AIG1: variants seen among roughly 807,000 people sequenced by gnomAD.
AIG1 encodes androgen induced 1, also known as androgen-induced gene 1 protein.
Under a neutral mutation model 31.4 loss-of-function variants are expected in AIG1, and 23 were observed. The ratio of observed to expected loss-of-function variants is 0.73; its 90% confidence interval spans 0.53 to 1.04. The LOEUF is 1.04. AIG1 is among the 50% of genes least tolerant of loss of function. The pLI is 0.00. For synonymous variants in AIG1, 100 were observed against 110.5 expected (o/e 0.90, Z 0.60); for missense variants, 274 against 295.0 (o/e 0.93, Z 0.52).
intron 1 of AIG1, among the ~76,000 whole-genome samples, chr6:143,063,857 C>T (rs1236709372): frequency 6.6e-6 from 1 of 152,214 alleles, no homozygotes; most frequent in Non-Finnish European, 1.5e-5. Context: ...GATTATGTGG[C>T]AGTGGCCATT....
rs1777114733 is a variant in AIG1 at position 143,331,893 on chromosome 6, A to T, written c.516-1389A>T. Among the ~76,000 whole-genome samples the T allele has an allele frequency of 7.4e-6, 1 of 135,568 alleles. No homozygotes were observed. Among genetic ancestry groups the T allele is most frequent in the Non-Finnish European group, 1.6e-5 (1 of 64,436 alleles). 88.9% of individuals were successfully genotyped at this position (135,568 alleles called of 152,430 possible). A position where few individuals can be genotyped will look rare whatever the true frequency, so the allele number is the denominator to read the frequency against. On this transcript the variant is annotated intron_variant, in intron 4 of 5. Coordinates refer to ENST00000357847, the MANE Select transcript of AIG1 (RefSeq NM_016108.4). This position sits in a 1 kb window ranked among gnomAD's most constrained non-coding sequence, Gnocchi z 4.1. ...TTATTATTATTATTATTATTTTGAG[A>T]CCAAGTCTCACTTTGTCACCCAGGC...
chr6:143,216,163 A>G (rs1177632666), intron 3 of AIG1, among the ~76,000 whole-genome samples: 1 of 152,198 alleles, frequency 6.6e-6, no homozygotes, highest in Non-Finnish European at 1.5e-5. Context: ...CTCTTGTTTC[A>G]TTTTAAAAAG....
intron 1 of AIG1, among the ~76,000 whole-genome samples, chr6:143,080,594 A>G (rs1778154079): frequency 1.3e-5 from 2 of 152,080 alleles, no homozygotes; most frequent in South Asian, 2.1e-4. Flanking sequence ...CAGGGGGTGC[A>G]GTGAGAGTGA....
In AIG1 at chr6:143,295,209, A is replaced by T. The variant is rs80215141; in HGVS notation, c.515+10984A>T. Among the ~76,000 whole-genome samples, 1,018 of 152,252 alleles carry T rather than the reference A, an allele frequency of 6.7e-3. 8 individuals are homozygous for T. The highest frequency in any genetic ancestry group is 0.01 in the Non-Finnish European group (704 of 68,014). On this transcript the variant is annotated intron_variant, in intron 4 of 5. Coordinates refer to ENST00000357847, the MANE Select transcript of AIG1 (RefSeq NM_016108.4). ...TTTCTGAGTTCTGTACCTCCAGTGT[A>T]CTTGTAGAATCTTTATGCTTTGCTC... is the stretch of plus-strand genomic sequence containing the variant.
chr6:143,302,042 T>C (rs1242988805), intron 4 of AIG1, among the ~76,000 whole-genome samples: 1 of 152,104 alleles, frequency 6.6e-6, no homozygotes, highest in Non-Finnish European at 1.5e-5. Context: ...CAAATAGAAC[T>C]CAATGGTGAC....
In AIG1 at chr6:143,080,663, C is replaced by T. The variant is rs146414819; in HGVS notation, c.141+19597C>T. 3.7e-3 allele frequency among the ~76,000 whole-genome samples: 568 copies of T among 152,002 alleles called. 1 individual carries two copies. The highest frequency in any genetic ancestry group is 4.4e-3 in the Non-Finnish European group (299 of 67,972). ...GACAAGGGAGGGCCAAGAGGATCTA[C>T]GATTCTAGTTACTTTCCTCACGGTT... is the stretch of plus-strand genomic sequence containing the variant. On this transcript the variant is annotated intron_variant, in intron 1 of 5. Transcript: ENST00000357847.
chr6:143,343,504 A>T (rs1396236490), downstream of AIG1: 1 of 242,250 alleles, frequency 4.1e-6, no homozygotes, highest in Non-Finnish European at 8.3e-6. Flanking sequence ...CTGGCCTCCC[A>T]CTGTTTTCAG....
Position 143,259,251 on chromosome 6 carries a change from T to C in AIG1, c.400-24859T>C, listed in dbSNP as rs189076524. ...AAATACTCAGCCTTGGGTATTATGT[T>C]ATAGCAACACAAAACAGACTAAGAC... On this transcript the variant is annotated intron_variant, in intron 3 of 5. Coordinates refer to ENST00000357847, the MANE Select transcript of AIG1 (RefSeq NM_016108.4). Among the ~76,000 whole-genome samples, 9 of 152,352 alleles carry C rather than the reference T, an allele frequency of 5.9e-5. 1 individual carries two copies. Among genetic ancestry groups the C allele is most frequent in the Middle Eastern group, 6.8e-3 (2 of 294 alleles).
At chr6:143,133,937 A>G (rs188126725) in intron 1 of AIG1, among the ~76,000 whole-genome samples, 4 of 152,206 alleles carry the variant, frequency 2.6e-5, no homozygotes, top group Admixed American at 1.3e-4. Flanking sequence ...ATAAACAAAA[A>G]TCCCACAGAA....
chr6:143,287,427 G>A (rs1797760747), intron 4 of AIG1, among the ~76,000 whole-genome samples: 1 of 152,154 alleles, frequency 6.6e-6, no homozygotes, highest in Non-Finnish European at 1.5e-5. Flanking sequence ...GTGAGCCACT[G>A]GACTCTTGCC....
At position 143,333,960 on chromosome 6, in the gene AIG1, C is replaced by G. The variant is rs41314185; in HGVS notation, c.679+515C>G. On this transcript the variant is annotated intron_variant, in intron 5 of 5. Transcript: ENST00000357847. This position sits in a 1 kb window ranked among gnomAD's most constrained non-coding sequence, Gnocchi z 4.6. ...TCCGGCCACCTTGACTCACCAGTGGCTGTCACGGAAAGTCTGAAAGTGGCA... is the reference window on the plus strand; with the variant it reads ...TCCGGCCACCTTGACTCACCAGTGGGTGTCACGGAAAGTCTGAAAGTGGCA... The G allele has an allele frequency of 8.4e-3, 8,919 of 1,062,178 alleles. 50 individuals are homozygous for G. Among genetic ancestry groups the G allele is most frequent in the Non-Finnish European group, 0.011 (8,120 of 719,654 alleles). The allele number at this position is 1,062,178 out of a possible 1,614,324, so 65.8% of individuals were successfully genotyped here. A position where few individuals can be genotyped will look rare whatever the true frequency, so the allele number is the denominator to read the frequency against.
chr6:143,315,288 A>G (rs1297464841), intron 4 of AIG1, among the ~76,000 whole-genome samples: 2 of 152,124 alleles, frequency 1.3e-5, no homozygotes, highest in South Asian at 2.1e-4. Context: ...CTAACCAAAA[A>G]TCCCAGTAAG....
At chr6:143,244,865 C>T (rs946643012) in intron 3 of AIG1, among the ~76,000 whole-genome samples, 5 of 152,170 alleles carry the variant, frequency 3.3e-5, no homozygotes, top group Non-Finnish European at 5.9e-5. Flanking sequence ...CCACTAAAGC[C>T]TTTCTCACAA....
chr6:143,120,836 A>G (rs1279105256), intron 1 of AIG1, among the ~76,000 whole-genome samples: 2 of 152,352 alleles, frequency 1.3e-5, no homozygotes, highest in East Asian at 3.9e-4. Flanking sequence ...TCTCTGCAGC[A>G]CTGTGACATG....
intron 4 of AIG1, among the ~76,000 whole-genome samples, chr6:143,300,177 T>G (rs549959686): frequency 6.6e-6 from 1 of 152,334 alleles, no homozygotes; most frequent in East Asian, 1.9e-4. Context: ...GAACTAGGAC[T>G]GGGGACCAAT....
chr6:143,152,013 C>T (rs1178539122), intron 2 of AIG1, among the ~76,000 whole-genome samples: 1 of 152,192 alleles, frequency 6.6e-6, no homozygotes, highest in East Asian at 1.9e-4. Flanking sequence ...CACCTACTCA[C>T]TATTAAGATC....
At chr6:143,155,284 T>C (rs1179982193) in intron 2 of AIG1, among the ~76,000 whole-genome samples, 1 of 152,230 alleles carries the variant, frequency 6.6e-6, no homozygotes, top group Non-Finnish European at 1.5e-5. Context: ...AGTTATTTCA[T>C]GGTAACTGTG....
chr6:143,291,992 A>G lies in AIG1; in HGVS notation c.515+7767A>G, dbSNP rs1167097609. Among the ~76,000 whole-genome samples, 2 of 152,212 alleles carry G rather than the reference A, an allele frequency of 1.3e-5. No homozygotes were observed. The highest frequency in any genetic ancestry group is 4.8e-5 in the African/African-American group (2 of 41,444). ...AACAAGGAGAAGAGAAGAGAAGGCTATAGAAGAAATCCTGATAAGAGATGA... is the reference window on the plus strand; with the variant it reads ...AACAAGGAGAAGAGAAGAGAAGGCTGTAGAAGAAATCCTGATAAGAGATGA... On this transcript the variant is annotated intron_variant, in intron 4 of 5. Transcript: ENST00000357847. The surrounding 1 kb of genome is among the most constrained non-coding windows in gnomAD (Gnocchi z 4.2).
At chr6:143,301,105 T>C (rs147948172) in intron 4 of AIG1, among the ~76,000 whole-genome samples, 111 of 152,296 alleles carry the variant, frequency 7.3e-4, no homozygotes, top group African/African-American at 2.4e-3. Flanking sequence ...AAGACAAATA[T>C]TGGGAGATGG....
Sources: allele counts gnomAD v4.1 joint callset (sites outside exome capture counted in the v4.1 genomes callset), GRCh38; gene constraint gnomAD v4.1.1; non-coding constraint Gnocchi (gnomAD v3.1); transcripts MANE v1.5; gene names NCBI Gene and HGNC (gene_info 2026-07-23, HGNC 2026-07-21).